PTN: variants seen among roughly 807,000 people sequenced by gnomAD.
PTN encodes heparin affin regulatory protein.
A neutral mutation model predicts 24.1 loss-of-function variants in PTN; 18 were observed. The ratio of observed to expected loss-of-function variants is 0.75; its 90% CI spans 0.52 to 1.11. PTN has a LOEUF of 1.11. Among genes scored for constraint, PTN ranks in the 50% least tolerant of loss-of-function variants. The pLI, the probability that PTN is intolerant of heterozygous loss-of-function variation, is 0.00. For missense variants in PTN, 163 were observed against 198.8 expected (o/e 0.82, Z 1.08); for synonymous variants, 78 against 68.6 (o/e 1.14, Z -0.67).
chr7:137,312,874 G>T (rs563505753), intron 1 of PTN, among the ~76,000 whole-genome samples: 16 of 152,098 alleles, frequency 1.1e-4, no homozygotes, highest in Non-Finnish European at 2.2e-4. Flanking sequence ...CTCTTTACCT[G>T]CCACACAGTA....
chr7:137,291,635 G>T (rs17169051), intron 1 of PTN, among the ~76,000 whole-genome samples: 7,311 of 151,884 alleles, frequency 0.048, 307 homozygotes, highest in African/African-American at 0.12. Flanking sequence ...CATCCCCAAC[G>T]GCATCCCAGA....
intron 1 of PTN, among the ~76,000 whole-genome samples, chr7:137,308,775 C>A (rs1223333437): frequency 1.3e-5 from 2 of 152,092 alleles, no homozygotes; most frequent in Non-Finnish European, 2.9e-5. Context: ...AAACACTATT[C>A]TAGGGATTGT....
intron 1 of PTN, among the ~76,000 whole-genome samples, chr7:137,265,966 T>C (rs1255134757): frequency 6.6e-6 from 1 of 152,270 alleles, no homozygotes; most frequent in Admixed American, 6.5e-5. Context: ...GCTTTTTGTA[T>C]GATTTTTACA....
Position 137,228,089 on chromosome 7 carries a change from A to G in PTN, c.452-14T>C. The G allele has an allele frequency of 6.8e-7, 1 of 1,465,916 alleles. No individual in the cohort carries two copies. Among genetic ancestry groups the G allele is most frequent in the Non-Finnish European group, 9.5e-7 (1 of 1,052,442 alleles). 90.8% of individuals were successfully genotyped at this position (1,465,916 alleles called of 1,614,324 possible). A position where few individuals can be genotyped will look rare whatever the true frequency, so the allele number is the denominator to read the frequency against. ...TCTTAGATTCTGCTGTGATTACAAA[A>G]AAGAGAGACAGAAAGAGAGAAAGAG... On this transcript the variant is annotated splice_polypyrimidine_tract_variant and intron_variant, in intron 4 of 4. Transcript: ENST00000348225.
intron 1 of PTN, among the ~76,000 whole-genome samples, chr7:137,282,312 G>A (rs904060958): frequency 3.3e-5 from 5 of 152,190 alleles, no homozygotes; most frequent in Admixed American, 6.5e-5. Context: ...ATGACAGTAA[G>A]GTCCTGTTTC....
intron 1 of PTN, among the ~76,000 whole-genome samples, chr7:137,265,874 G>A (rs2128873437): frequency 1.3e-5 from 2 of 152,108 alleles, no homozygotes; most frequent in East Asian, 3.9e-4. Flanking sequence ...TGATCTTCTT[G>A]TAAAATGAAT....
intron 1 of PTN, among the ~76,000 whole-genome samples, chr7:137,343,004 G>C (rs1357459253): frequency 5.3e-5 from 8 of 152,122 alleles, no homozygotes; most frequent in Non-Finnish European, 1.2e-4. Flanking sequence ...GGGGCAATCA[G>C]AGAATCAGAG....
At chr7:137,277,042 A>G (rs1809372220) in intron 1 of PTN, among the ~76,000 whole-genome samples, 1 of 152,252 alleles carries the variant, frequency 6.6e-6, no homozygotes, top group Non-Finnish European at 1.5e-5. Context: ...CAAAATATGT[A>G]TCTGTCAAAT....
chr7:137,304,530 T>G (rs1305088047), intron 1 of PTN, among the ~76,000 whole-genome samples: 1 of 151,612 alleles, frequency 6.6e-6, no homozygotes, highest in Non-Finnish European at 1.5e-5. Context: ...CTTTATTGCC[T>G]GAAAAGAGAA....
At chr7:137,286,694 T>C (rs1809559192) in intron 1 of PTN, among the ~76,000 whole-genome samples, 1 of 152,258 alleles carries the variant, frequency 6.6e-6, no homozygotes, top group Admixed American at 6.5e-5. Flanking sequence ...GAAGCACATA[T>C]AGAGATAAGC....
At chr7:137,330,495 G>A (rs1810333999) in intron 1 of PTN, among the ~76,000 whole-genome samples, 1 of 152,190 alleles carries the variant, frequency 6.6e-6, no homozygotes, top group Admixed American at 6.6e-5. Flanking sequence ...GCAAAGCCCT[G>A]GCTGAAGGAA....
chr7:137,260,534 A>C (rs1809016928), intron 1 of PTN, among the ~76,000 whole-genome samples: 1 of 152,038 alleles, frequency 6.6e-6, no homozygotes, highest in African/African-American at 2.4e-5. Flanking sequence ...TTTATTTTTA[A>C]ACTGATACAT....
intron 2 of PTN, 31 bp from the exon 3 acceptor site, chr7:137,253,668 T>C: frequency 3.4e-6 from 5 of 1,474,512 alleles, no homozygotes; most frequent in Admixed American, 2.4e-5. Flanking sequence ...CTAATCAACA[T>C]ACAGAAAACT....
chr7:137,278,423 A>C (rs1809407775), intron 1 of PTN, among the ~76,000 whole-genome samples: 1 of 151,804 alleles, frequency 6.6e-6, no homozygotes, highest in African/African-American at 2.4e-5. Context: ...ATCTATTTTA[A>C]ATATATATAT....
intron 4 of PTN, among the ~76,000 whole-genome samples, chr7:137,248,132 A>T (rs1808756555): frequency 6.6e-6 from 1 of 152,226 alleles, no homozygotes. Context: ...TCCATTCATT[A>T]CTATTTGCTT....
chr7:137,342,585 G>T (rs1214515794), intron 1 of PTN, among the ~76,000 whole-genome samples: 3 of 152,108 alleles, frequency 2.0e-5, no homozygotes, highest in Middle Eastern at 3.2e-3. Flanking sequence ...GGGTGTGTGT[G>T]TATGGAGAGG....
chr7:137,330,022 C>T (rs1260251601), intron 1 of PTN, among the ~76,000 whole-genome samples: 2 of 152,176 alleles, frequency 1.3e-5, no homozygotes, highest in Non-Finnish European at 2.9e-5. Context: ...TGCAGTGGCT[C>T]ACACCTGTAA....
At chr7:137,238,034 G>T (rs1808554471) in intron 4 of PTN, among the ~76,000 whole-genome samples, 1 of 152,162 alleles carries the variant, frequency 6.6e-6, no homozygotes, top group Non-Finnish European at 1.5e-5. Flanking sequence ...TTGCTCTTTG[G>T]ATTCCTGATG....
intron 1 of PTN, among the ~76,000 whole-genome samples, chr7:137,302,932 T>C (rs1177416995): frequency 1.3e-5 from 2 of 151,232 alleles, no homozygotes; most frequent in Non-Finnish European, 2.9e-5. Flanking sequence ...ACAATAACTA[T>C]TGCTTGTATG....
Sources: allele counts gnomAD v4.1 joint callset (sites outside exome capture counted in the v4.1 genomes callset), GRCh38; gene constraint gnomAD v4.1.1; transcripts MANE v1.5; gene names NCBI Gene and HGNC (gene_info 2026-07-23, HGNC 2026-07-21).